Variants in SYCP1 observed in about 807,000 individuals in gnomAD.
SYCP1 encodes cancer/testis antigen 8.
SYCP1 carries 64 observed loss-of-function variants against 153.1 expected under a neutral mutation model. The ratio of observed to expected loss-of-function variants is 0.42; its 90% CI spans 0.34 to 0.51. The LOEUF (loss-of-function observed/expected upper bound fraction) is 0.51. Among genes scored for constraint, SYCP1 ranks in the 20% least tolerant of loss-of-function variants. SYCP1 has a pLI of 0.06. For missense variants in SYCP1, 997 were observed against 1,049.0 expected (o/e 0.95, Z 0.68); for synonymous variants, 384 against 341.8 (o/e 1.12, Z -1.36).
intron 8 of SYCP1, among the ~76,000 whole-genome samples, chr1:114,865,586 T>C (rs1201485251): frequency 6.6e-6 from 1 of 152,228 alleles, no homozygotes; most frequent in African/African-American, 2.4e-5. Context: ...TAGTGTTTTA[T>C]GCAGAGTCCA....
intron 21 of SYCP1, among the ~76,000 whole-genome samples, chr1:114,924,575 G>A (rs182414986): frequency 6.6e-6 from 1 of 152,150 alleles, no homozygotes; most frequent in Non-Finnish European, 1.5e-5. Context: ...GTGGAGGACA[G>A]GTGGTGGATA....
chr1:114,944,286 T>C, intron 23 of SYCP1, 53 bp from the exon 24 acceptor site: 4 of 1,017,900 alleles, frequency 3.9e-6, no homozygotes, highest in Non-Finnish European at 5.9e-6. Flanking sequence ...TGGAATGTTT[T>C]CAAGTAATCC....
At chr1:114,953,417 G>C (rs1037152933) in intron 27 of SYCP1, among the ~76,000 whole-genome samples, 1 of 152,134 alleles carries the variant, frequency 6.6e-6, no homozygotes, top group Non-Finnish European at 1.5e-5. Context: ...ACTTTGGCCT[G>C]TGTCTTTTTG....
intron 6 of SYCP1, among the ~76,000 whole-genome samples, chr1:114,859,245 G>A (rs1664215928): frequency 1.3e-5 from 2 of 151,924 alleles, no homozygotes; most frequent in Admixed American, 6.6e-5. Context: ...GAGCCACCAC[G>A]CCCAGCTAAT....
chr1:114,865,500 A>G (rs1285601885), intron 8 of SYCP1, among the ~76,000 whole-genome samples: 1 of 152,070 alleles, frequency 6.6e-6, no homozygotes, highest in Non-Finnish European at 1.5e-5. Context: ...TATCAGTTCA[A>G]TTTTCAATGC....
chr1:114,991,337 A>G (rs1673909163), intron 30 of SYCP1, among the ~76,000 whole-genome samples: 1 of 151,916 alleles, frequency 6.6e-6, no homozygotes, highest in African/African-American at 2.4e-5. Context: ...ATACCAAAGC[A>G]TATAAAGGCA....
chr1:114,957,224 C>T (rs1397727877), intron 27 of SYCP1, among the ~76,000 whole-genome samples: 1 of 152,088 alleles, frequency 6.6e-6, no homozygotes, highest in Non-Finnish European at 1.5e-5. Flanking sequence ...ACCACCCCAC[C>T]CAGCTAATTT....
intron 27 of SYCP1, among the ~76,000 whole-genome samples, 175 bp downstream of exon 27, chr1:114,947,495 G>A (rs1343527981): frequency 6.6e-6 from 1 of 151,972 alleles, no homozygotes; most frequent in Admixed American, 6.6e-5. Flanking sequence ...TAATGTAAAT[G>A]CAAAACACAC....
rs1235732351 is a variant in SYCP1 at position 114,859,785 on chromosome 1, C to A, written c.499C>A (p.Gln167Lys). ...AAGTTTGAAATTAGAAGAAGGAATA[C>A]AAGAAAATAAAGATTTAATAAAAGA... ...KVSLKLEEGI[Q>K]ENKDLIKENN... is the part of the protein sequence containing the mutation. Residue 167 changes from glutamine to lysine, a missense_variant, in exon 7 of 32, where the codon CAA becomes AAA. Physicochemically the swap from Gln to Lys is moderately conservative, Grantham distance 53. This residue lies in a region of SYCP1 where 285 missense variants were observed against 366.1 expected (regional missense o/e 0.78). Transcript: ENST00000369522. 2 of 768,530 alleles carry A rather than the reference C, an allele frequency of 2.6e-6. No homozygotes were observed. Among genetic ancestry groups the A allele is most frequent in the African/African-American group, 3.7e-5 (2 of 53,460 alleles). The allele number at this position is 768,530 out of a possible 1,614,324, so 47.6% of individuals were successfully genotyped here.
chr1:114,990,536 C>A (rs1258930622), intron 30 of SYCP1, among the ~76,000 whole-genome samples: 4 of 151,584 alleles, frequency 2.6e-5, no homozygotes, highest in Admixed American at 1.3e-4. Flanking sequence ...TCAATGAAAC[C>A]AAAAATAGTT....
Position 114,886,219 on chromosome 1 carries a change from A to C in SYCP1, c.1100A>C (p.Asn367Thr), listed in dbSNP as rs796913204. 6.2e-7 allele frequency: 1 copy of C among 1,612,144 alleles called. No homozygotes were observed. The highest frequency in any genetic ancestry group is 8.5e-7 in the Non-Finnish European group (1 of 1,179,218). Residue 367 changes from asparagine to threonine, a missense_variant, in exon 14 of 32, where the codon AAT (asparagine) becomes ACT (threonine). Asn to Thr is a moderately conservative substitution (Grantham distance 65). Around this residue, in one of 2 missense-constraint regions of SYCP1, gnomAD observed 712 missense variants for 682.9 expected, o/e 1.04. Coordinates refer to ENST00000369522, the MANE Select transcript of SYCP1 (RefSeq NM_003176.4). ...EEKETQMEES[N>T]KARAAHSFVV... is the part of the protein sequence containing the mutation. The stretch of plus-strand genomic sequence containing the variant: ...AAAGAAACTCAAATGGAAGAATCTA[A>C]TAAAGCTAGAGCTGCTCATTCGTTT...
chr1:114,924,253 A>T (rs1307838312), intron 21 of SYCP1, among the ~76,000 whole-genome samples: 1 of 152,174 alleles, frequency 6.6e-6, no homozygotes, highest in African/African-American at 2.4e-5. Flanking sequence ...TTCTAAAAAA[A>T]TCTTGGAGAG....
chr1:114,923,647 G>C (rs1669054534), intron 21 of SYCP1, 117 bp downstream of exon 21: 2 of 1,050,130 alleles, frequency 1.9e-6, no homozygotes, highest in African/African-American at 3.4e-5. Flanking sequence ...GTGATCTAGA[G>C]ACTGTCATCA....
At chr1:114,921,813 T>A (rs1461660784) in intron 20 of SYCP1, among the ~76,000 whole-genome samples, 1 of 152,206 alleles carries the variant, frequency 6.6e-6, no homozygotes, top group Non-Finnish European at 1.5e-5. Flanking sequence ...TTACCATTTC[T>A]TGTAAGACAG....
intron 16 of SYCP1, among the ~76,000 whole-genome samples, chr1:114,898,917 T>C (rs193117505): frequency 7.0e-4 from 106 of 152,320 alleles, no homozygotes; most frequent in Admixed American, 2.4e-3. Flanking sequence ...TCCCAAGATA[T>C]ACTTGGAACT....
intron 28 of SYCP1, among the ~76,000 whole-genome samples, chr1:114,981,130 A>C (rs752495854): frequency 6.6e-6 from 1 of 152,022 alleles, no homozygotes; most frequent in Non-Finnish European, 1.5e-5. Flanking sequence ...AGGCAGGGGC[A>C]GATAACATTT....
In SYCP1 at chr1:114,876,742, G is replaced by T; in HGVS notation, c.733G>T (p.Glu245Ter). The T allele has an allele frequency of 7.4e-7, 1 of 1,354,336 alleles. No homozygotes were observed. Among genetic ancestry groups the T allele is most frequent in the Admixed American group, 3.1e-5 (1 of 32,564 alleles). 83.9% of individuals were successfully genotyped at this position (1,354,336 alleles called of 1,614,324 possible). A position where few individuals can be genotyped will look rare whatever the true frequency, so the allele number is the denominator to read the frequency against. The change falls in exon 11 of 32, where the codon GAA becomes TAA. Residue 245 changes from glutamate to a stop codon, truncating the protein, a stop_gained. Coordinates refer to ENST00000369522, the MANE Select transcript of SYCP1 (RefSeq NM_003176.4). LOFTEE classifies it high-confidence loss of function. ...TATTTGTTTTATTTTTAAAGTAAAGGAAGATTATGAAAAAATCCAACACCT... is the reference window on the plus strand; with the variant it reads ...TATTTGTTTTATTTTTAAAGTAAAGTAAGATTATGAAAAAATCCAACACCT... ...SRLEMHFKLK[E>*]DYEKIQHLEQ...
intron 27 of SYCP1, among the ~76,000 whole-genome samples, chr1:114,954,547 TTTTATTTATTTA>T (rs4045000): frequency 3.2e-4 from 47 of 148,396 alleles, no homozygotes; most frequent in African/African-American, 4.5e-4. Context: ...TCAGTATGCT[TTTTATTTATTTA>T]TTTATTTATT....
At chr1:114,974,588 A>G (rs1270945275) in intron 27 of SYCP1, among the ~76,000 whole-genome samples, 1 of 151,744 alleles carries the variant, frequency 6.6e-6, no homozygotes, top group Non-Finnish European at 1.5e-5. Flanking sequence ...ATCATACAGT[A>G]TTTGTGCTTA....
Sources: allele counts gnomAD v4.1 joint callset (sites outside exome capture counted in the v4.1 genomes callset), GRCh38; gene constraint gnomAD v4.1.1; regional missense constraint gnomAD v4.1.1; transcripts MANE v1.5; gene names NCBI Gene and HGNC (gene_info 2026-07-23, HGNC 2026-07-21).